ITGAV: variants seen among roughly 807,000 people sequenced by gnomAD.
ITGAV encodes integrin alpha-V.
Under a neutral mutation model 143.8 loss-of-function variants are expected in ITGAV, and 76 were observed. The ratio of observed to expected loss-of-function variants is 0.53; its 90% CI spans 0.44 to 0.64. ITGAV has a LOEUF of 0.64. Ranked by LOEUF, ITGAV falls within the 30% of genes least tolerant of loss-of-function variation. The pLI is 0.00. For missense variants in ITGAV, 1,193 were observed against 1,274.7 expected, an observed-to-expected ratio of 0.94 and a Z score of 0.98; for synonymous variants, 453 against 446.7, an observed-to-expected ratio of 1.01 and a Z score of -0.18.
intron 20 of ITGAV, 41 bp downstream of exon 20, chr2:186,664,682 G>T: frequency 1.2e-6 from 2 of 1,612,048 alleles, no homozygotes; most frequent in Middle Eastern, 3.3e-4. Flanking sequence ...TGCACTCACG[G>T]ATCTTATTAA....
At chr2:186,668,207 TA>T (rs57331756) in intron 24 of ITGAV, among the ~76,000 whole-genome samples, 412 of 21,542 alleles carry the variant, frequency 0.019, 7 homozygotes, top group Non-Finnish European at 0.029. Flanking sequence ...TATATATATA[TA>T]TATATATATT....
chr2:186,669,414 G>A (rs550760535), intron 25 of ITGAV, among the ~76,000 whole-genome samples: 149 of 152,266 alleles, frequency 9.8e-4, no homozygotes, highest in South Asian at 1.2e-3. Flanking sequence ...CATCACAAAT[G>A]TACTGTGGAA....
chr2:186,646,897 T>C lies in ITGAV; in HGVS notation c.1351+20T>C, dbSNP rs201620471. 6 of 1,511,510 alleles carry C rather than the reference T, an allele frequency of 4.0e-6. No homozygotes were observed. Among genetic ancestry groups the C allele is most frequent in the Non-Finnish European group, 5.4e-6 (6 of 1,117,624 alleles). The allele number at this position is 1,511,510 out of a possible 1,614,324, so 93.6% of individuals were successfully genotyped here. A position where few individuals can be genotyped will look rare whatever the true frequency, so the allele number is the denominator to read the frequency against. On this transcript the variant is annotated intron_variant, in intron 13 of 29. Coordinates refer to ENST00000261023, the MANE Select transcript of ITGAV (RefSeq NM_002210.5). ...ATCCAGGTGCTTTCTTATCAACACA[T>C]AGAGCCCTTAGATTTTTCAGTCCTA...
intron 20 of ITGAV, 53 bp downstream of exon 20, chr2:186,664,694 A>G (rs904340876): frequency 1.6e-5 from 25 of 1,600,086 alleles, no homozygotes; most frequent in Non-Finnish European, 1.8e-5. Context: ...TCTTATTAAC[A>G]TTAATGAGCT....
intron 23 of ITGAV, 67 bp from the exon 24 acceptor site, chr2:186,667,604 A>G (rs2105745698): frequency 1.3e-6 from 1 of 756,752 alleles, no homozygotes; most frequent in Non-Finnish European, 2.2e-6. Context: ...AATATGGGGT[A>G]CTTTTGAAAA....
At chr2:186,638,237 G>C in intron 8 of ITGAV, 40 bp from the exon 9 acceptor site, 1 of 1,592,502 alleles carries the variant, frequency 6.3e-7, no homozygotes, top group Middle Eastern at 1.7e-4. Context: ...TTCCAGTGTT[G>C]TCCTAAAAAA....
At chr2:186,600,819 C>T (rs184098376) in intron 1 of ITGAV, among the ~76,000 whole-genome samples, 3 of 152,016 alleles carry the variant, frequency 2.0e-5, no homozygotes, top group South Asian at 2.1e-4. Context: ...ATTAGCCAGG[C>T]GTGGTGGTGG....
chr2:186,633,304 CT>C, intron 5 of ITGAV, 24 bp from the exon 6 acceptor site: 1 of 1,506,908 alleles, frequency 6.6e-7, no homozygotes, highest in Non-Finnish European at 9.1e-7. Flanking sequence ...AAATATATAT[CT>C]TTTTGTTGTG....
Position 186,676,829 on chromosome 2 carries a change from C to G in ITGAV, c.2945C>G (p.Thr982Ser). The change falls in exon 29 of 30, where the codon ACC becomes AGC. Residue 982 changes from threonine to serine, a missense_variant. By Grantham distance (58) the Thr-to-Ser change is moderately conservative (BLOSUM62 1). Transcript: ENST00000261023. ...CCTCGATAGGTTACCACTAATGTCA[C>G]CTGGGGCATTCAGCCAGCGCCCATG... is the stretch of plus-strand genomic sequence containing the variant. Reference protein sequence around the residue: ...TNSTLVTTNVTWGIQPAPMPV... With the variant: ...TNSTLVTTNVSWGIQPAPMPV... The G allele has an allele frequency of 1.2e-6, 2 of 1,613,972 alleles. No individual in the cohort carries two copies. The highest frequency in any genetic ancestry group is 1.7e-6 in the Non-Finnish European group (2 of 1,179,924).
At chr2:186,604,896 A>G (rs774092349) in intron 2 of ITGAV, among the ~76,000 whole-genome samples, 4 of 152,152 alleles carry the variant, frequency 2.6e-5, no homozygotes, top group Non-Finnish European at 5.9e-5. Context: ...TTGACATTGA[A>G]TCTGTCAGTA....
intron 26 of ITGAV, among the ~76,000 whole-genome samples, chr2:186,674,442 C>G (rs1651341325): frequency 6.6e-6 from 1 of 151,772 alleles, no homozygotes; most frequent in Non-Finnish European, 1.5e-5. Flanking sequence ...TTAGTGTTTT[C>G]TATATGTAAG....
At chr2:186,613,684 G>A (rs1223025202) in intron 2 of ITGAV, among the ~76,000 whole-genome samples, 7 of 152,032 alleles carry the variant, frequency 4.6e-5, no homozygotes, top group Non-Finnish European at 8.8e-5. Context: ...AGACACTTTG[G>A]AAGTTTATAA....
chr2:186,594,910 A>G (rs1156503430), intron 1 of ITGAV, among the ~76,000 whole-genome samples: 1 of 152,224 alleles, frequency 6.6e-6, no homozygotes, highest in African/African-American at 2.4e-5. Flanking sequence ...TAATTTTGTT[A>G]TTTAGAAAGC....
chr2:186,613,275 A>C (rs1370779723), intron 2 of ITGAV, among the ~76,000 whole-genome samples: 1 of 152,034 alleles, frequency 6.6e-6, no homozygotes, highest in Non-Finnish European at 1.5e-5. Flanking sequence ...GAGTATTTTC[A>C]AAAGGCCTGT....
Position 186,641,467 on chromosome 2 carries a change from A to G in ITGAV, c.1038A>G (p.Ser346=), listed in dbSNP as rs780498463. Residue 346 remains serine (S), a synonymous_variant, in exon 12 of 30, where the codon TCA becomes TCG. Coordinates refer to ENST00000261023, the MANE Select transcript of ITGAV (RefSeq NM_002210.5). ...DGKLQEVGQV[S]VSLQRASGDF... ...AACTCCAAGAGGTGGGGCAGGTCTC[A>G]GTGTCTCTACAGAGAGCTTCAGGAG... 1 of 1,613,996 alleles carries G rather than the reference A, an allele frequency of 6.2e-7. No homozygotes were observed. The highest frequency in any genetic ancestry group is 8.5e-7 in the Non-Finnish European group (1 of 1,179,862).
intron 15 of ITGAV, 82 bp downstream of exon 15, chr2:186,652,171 G>A: frequency 1.2e-6 from 1 of 838,390 alleles, no homozygotes; most frequent in Non-Finnish European, 2.0e-6. Flanking sequence ...AAGGTGGTAG[G>A]GCTGAAATAT....
intron 2 of ITGAV, among the ~76,000 whole-genome samples, chr2:186,609,006 ATTTAAAACT>A (rs1354123581): frequency 6.6e-6 from 1 of 152,076 alleles, no homozygotes; most frequent in African/African-American, 2.4e-5. Context: ...TTTTATAGAG[ATTTAAAACT>A]TTTATAGTAG....
At chr2:186,654,831 T>G (rs1359334261) in intron 16 of ITGAV, 123 bp downstream of exon 16, 1 of 537,102 alleles carries the variant, frequency 1.9e-6, no homozygotes, top group East Asian at 3.1e-5. Context: ...TGAATGTTTA[T>G]GCTTAAAGAC....
At chr2:186,598,361 G>A (rs1686805805) in intron 1 of ITGAV, among the ~76,000 whole-genome samples, 2 of 149,822 alleles carry the variant, frequency 1.3e-5, no homozygotes, top group Admixed American at 1.3e-4. Context: ...CTCTGCTCTA[G>A]AAAAAGAACC....
Sources: gnomAD v4.1 joint callset for allele counts (sites outside exome capture counted in the v4.1 genomes callset) on GRCh38, gnomAD v4.1.1 for gene constraint, MANE v1.5 for transcripts, NCBI Gene and HGNC (gene_info 2026-07-23, HGNC 2026-07-21) for gene names.